The following THSD7B variants were observed in gnomAD, a reference collection of about 807,000 sequenced individuals.
The protein encoded by THSD7B is thrombospondin type-1 domain-containing protein 7B.
THSD7B carries 138 observed loss-of-function variants against 213.6 expected under a neutral mutation model. The ratio of observed to expected loss-of-function variants is 0.65; its 90% CI spans 0.56 to 0.74. The LOEUF (loss-of-function observed/expected upper bound fraction) is 0.74. THSD7B is among the 30% of genes least tolerant of loss of function. The pLI is 0.00. For missense variants in THSD7B, 1,931 were observed against 1,991.5 expected (o/e 0.97, Z 0.58); for synonymous variants, 742 against 687.0 (o/e 1.08, Z -1.25).
rs566232760 is a variant in THSD7B, at chr2:137,570,637, G to T, written c.3273-1769G>T. 2.4e-4 allele frequency among the ~76,000 whole-genome samples: 36 copies of T among 151,832 alleles called. No homozygotes were observed. The South Asian group carries it at 4.8e-3, about 20-fold the overall frequency. On this transcript the variant is annotated intron_variant, in intron 16 of 27. Transcript: ENST00000409968. ...AGCACCAAAAGCTCTTTAGCGTATT[G>T]TTATTAAAGTGCTTATTTCTTAACC...
chr2:137,632,799 G>T (rs985454823), intron 20 of THSD7B, among the ~76,000 whole-genome samples: 10 of 152,116 alleles, frequency 6.6e-5, no homozygotes, highest in Admixed American at 3.3e-4. Context: ...TTAAAGTGGT[G>T]GTCTTGTTAC....
intron 3 of THSD7B, among the ~76,000 whole-genome samples, chr2:137,090,564 C>A (rs1238728073): frequency 1.3e-5 from 2 of 151,994 alleles, no homozygotes; most frequent in Non-Finnish European, 2.9e-5. Context: ...ATTTTTGTTT[C>A]AAATATTTTC....
intron 2 of THSD7B, among the ~76,000 whole-genome samples, chr2:137,034,532 GGT>G (rs1170823475): frequency 2.0e-5 from 3 of 152,080 alleles, no homozygotes; most frequent in African/African-American, 7.2e-5. Context: ...CCGTCATCTA[GGT>G]TTTAAGCCCT....
Position 137,242,634 on chromosome 2 carries a change from G to A in THSD7B, c.2266+62G>A, listed in dbSNP as rs925102377. On this transcript the variant is annotated intron_variant, in intron 10 of 27. Transcript: ENST00000409968. ...AACCTGATTGTTTCTCCACATCTAA[G>A]TAAGTGAGAGGTTGTGGAATGTGAG... The A allele has an allele frequency of 2.5e-4, 320 of 1,260,366 alleles. 3 individuals carry two copies. Among genetic ancestry groups the A allele is most frequent in the Middle Eastern group, 5.7e-4 (3 of 5,308 alleles). The allele number at this position is 1,260,366 out of a possible 1,614,324, so 78.1% of individuals were successfully genotyped here.
At chr2:137,632,011 C>T (rs375559083) in intron 20 of THSD7B, among the ~76,000 whole-genome samples, 48 of 152,050 alleles carry the variant, frequency 3.2e-4, no homozygotes, top group African/African-American at 9.2e-4. Flanking sequence ...CTAATTTTAC[C>T]GATGTAATGA....
chr2:137,268,845 T>C (rs1430121495), intron 10 of THSD7B, among the ~76,000 whole-genome samples: 2 of 152,050 alleles, frequency 1.3e-5, no homozygotes, highest in Admixed American at 6.6e-5. Context: ...AATAAGAAAA[T>C]CATTGACTGC....
At chr2:137,635,658 A>T (rs1682818869) in intron 20 of THSD7B, among the ~76,000 whole-genome samples, 1 of 152,210 alleles carries the variant, frequency 6.6e-6, no homozygotes, top group Non-Finnish European at 1.5e-5. Context: ...ATTTGTTAAA[A>T]AATAAATGTT....
intron 15 of THSD7B, among the ~76,000 whole-genome samples, chr2:137,550,449 GA>G (rs1194992953): frequency 1.3e-5 from 2 of 152,058 alleles, no homozygotes; most frequent in Non-Finnish European, 2.9e-5. Flanking sequence ...GCTATAGGGG[GA>G]AATATAATAT....
chr2:137,097,728 C>G (rs1034379484), intron 4 of THSD7B, among the ~76,000 whole-genome samples: 1 of 151,298 alleles, frequency 6.6e-6, no homozygotes, highest in South Asian at 2.1e-4. Flanking sequence ...GGTGATGATC[C>G]TGGCCCTCTA....
chr2:137,393,684 G>A lies in THSD7B; in HGVS notation c.2501-11929G>A, dbSNP rs550652581. On this transcript the variant is annotated intron_variant, in intron 12 of 27. Coordinates refer to ENST00000409968, the MANE Select transcript of THSD7B (RefSeq NM_001316349.2). ...CCTTTGGGTATATACCCAGTAATGG[G>A]ATGGCTGGGTCAAATGGTATTTCTA... 5.9e-4 allele frequency among the ~76,000 whole-genome samples: 84 copies of A among 141,666 alleles called. 6 individuals are homozygous for A. The Middle Eastern group carries it at 0.025, about 43-fold the overall frequency. 92.9% of individuals were successfully genotyped at this position (141,666 alleles called of 152,430 possible).
intron 7 of THSD7B, among the ~76,000 whole-genome samples, chr2:137,208,144 T>G (rs926249162): frequency 1.3e-5 from 2 of 152,068 alleles, no homozygotes; most frequent in Non-Finnish European, 2.9e-5. Flanking sequence ...ATACCTTCTA[T>G]GGTATGTGTC....
chr2:137,473,495 G>C (rs1335049749), intron 15 of THSD7B, among the ~76,000 whole-genome samples: 2 of 152,274 alleles, frequency 1.3e-5, no homozygotes, highest in Middle Eastern at 3.4e-3. Flanking sequence ...AAGTGAAAAT[G>C]ATGTTCCATT....
intron 7 of THSD7B, among the ~76,000 whole-genome samples, chr2:137,184,548 A>C (rs1025334805): frequency 1.3e-5 from 2 of 152,152 alleles, no homozygotes; most frequent in Non-Finnish European, 2.9e-5. Context: ...GAAATAATGA[A>C]ATTTATATAT....
At chr2:137,374,776 A>G (rs1437316450) in intron 12 of THSD7B, among the ~76,000 whole-genome samples, 1 of 152,160 alleles carries the variant, frequency 6.6e-6, no homozygotes, top group Non-Finnish European at 1.5e-5. Flanking sequence ...TGTGCCCATA[A>G]TGTGTTCATG....
intron 20 of THSD7B, among the ~76,000 whole-genome samples, chr2:137,638,419 C>T (rs190460603): frequency 7.2e-5 from 11 of 152,284 alleles, no homozygotes; most frequent in East Asian, 1.9e-4. Flanking sequence ...TCACCTCCCA[C>T]CATGATTCTG....
intron 12 of THSD7B, among the ~76,000 whole-genome samples, chr2:137,346,658 G>A (rs1348218458): frequency 6.6e-6 from 1 of 151,656 alleles, no homozygotes; most frequent in Non-Finnish European, 1.5e-5. Flanking sequence ...ATTTTTGTAT[G>A]TGTAATTGTT....
intron 1 of THSD7B, among the ~76,000 whole-genome samples, chr2:136,845,848 T>C (rs191229138): frequency 3.4e-4 from 52 of 152,326 alleles, no homozygotes; most frequent in African/African-American, 1.3e-3. Context: ...TTCCTGAACA[T>C]TTGGAAACTG....
intron 7 of THSD7B, among the ~76,000 whole-genome samples, chr2:137,226,577 G>A (rs17197674): frequency 0.28 from 43,085 of 151,288 alleles, 7,455 homozygotes; most frequent in Non-Finnish European, 0.36. Flanking sequence ...AATCTTTGTC[G>A]TGTCCAAGTG....
chr2:137,211,436 G>C (rs567167275), intron 7 of THSD7B, among the ~76,000 whole-genome samples: 1 of 147,862 alleles, frequency 6.8e-6, no homozygotes, highest in African/African-American at 2.5e-5. Context: ...AATAAAGCCA[G>C]TGTTTTATGT....
Sources: gnomAD v4.1 joint callset for allele counts (sites outside exome capture counted in the v4.1 genomes callset) on GRCh38, gnomAD v4.1.1 for gene constraint, MANE v1.5 for transcripts, NCBI Gene and HGNC (gene_info 2026-07-23, HGNC 2026-07-21) for gene names.